The following WSCD1 variants were observed in gnomAD, a reference collection of about 807,000 sequenced individuals.
WSCD1 encodes the protein sialate:O-sulfotransferase 1.
WSCD1 carries 41 observed loss-of-function variants against 60.4 expected under a neutral mutation model. The observed-to-expected ratio is 0.68, with a 90% CI of 0.53 to 0.88. The LOEUF is 0.88. Among genes scored for constraint, WSCD1 ranks in the 40% least tolerant of loss-of-function variants. WSCD1 has a pLI of 0.00. For missense variants in WSCD1, 784 were observed against 796.2 expected (o/e 0.98, Z 0.18); for synonymous variants, 361 against 332.5 (o/e 1.09, Z -0.93).
intron 1 of WSCD1, among the ~76,000 whole-genome samples, chr17:6,074,624 A>G (rs1407743539): frequency 6.6e-6 from 1 of 152,238 alleles, no homozygotes; most frequent in Non-Finnish European, 1.5e-5. Context: ...GTTCTGCTCC[A>G]GAGATCAGGG....
chr17:6,101,898 C>G lies in WSCD1; in HGVS notation c.849+6675C>G, dbSNP rs558656418. On this transcript the variant is annotated intron_variant, in intron 5 of 8. Coordinates refer to ENST00000317744, the MANE Select transcript of WSCD1 (RefSeq NM_015253.2). The surrounding 1 kb of genome is among the most constrained non-coding windows in gnomAD (Gnocchi z 4.1). ...AGATAGGCCATTTGTGGGGGTGCTC[C>G]GAAAGGAGGCTGATGAGCGAAATCT... Among the ~76,000 whole-genome samples, 4 of 152,248 alleles carry G rather than the reference C, an allele frequency of 2.6e-5. No individual in the cohort carries two copies. Among genetic ancestry groups the G allele is most frequent in the Admixed American group, 1.3e-4 (2 of 15,284 alleles).
chr17:6,080,074 C>G lies in WSCD1; in HGVS notation c.-288-297C>G, dbSNP rs1178546359. 6.5e-6 allele frequency: 1 copy of G among 153,740 alleles called. No individual in the cohort carries two copies. Among genetic ancestry groups the G allele is most frequent in the Non-Finnish European group, 1.4e-5 (1 of 69,298 alleles). The allele number at this position is 153,740 out of a possible 1,614,324, so 9.5% of individuals were successfully genotyped here. On this transcript the variant is annotated intron_variant, in intron 1 of 8. Coordinates refer to ENST00000317744, the MANE Select transcript of WSCD1 (RefSeq NM_015253.2). The surrounding 1 kb of genome is among the most constrained non-coding windows in gnomAD (Gnocchi z 6.6). ...TGAGGAAGAGCCCCTGCTGCTGTTC[C>G]TCCTCCCCCTTATTGATATTGCTGT... is the stretch of plus-strand genomic sequence containing the variant.
At chr17:6,085,944 G>T (rs1883323199) in intron 2 of WSCD1, among the ~76,000 whole-genome samples, 3 of 152,186 alleles carry the variant, frequency 2.0e-5, no homozygotes, top group African/African-American at 7.2e-5. Flanking sequence ...TGTCTGGGCA[G>T]TGGAGGGCAG....
At chr17:6,112,577 C>T (rs1220086933) in intron 7 of WSCD1, among the ~76,000 whole-genome samples, 1 of 152,008 alleles carries the variant, frequency 6.6e-6, no homozygotes, top group Non-Finnish European at 1.5e-5. Context: ...CCAAGAAACC[C>T]TTAGAACCAA....
rs770589438 is a variant in WSCD1, at chr17:6,081,022, A to G, written c.364A>G (p.Ser122Gly). 5 of 1,543,888 alleles carry G rather than the reference A, an allele frequency of 3.2e-6. No individual in the cohort carries two copies. Among genetic ancestry groups the G allele is most frequent in the Non-Finnish European group, 4.4e-6 (5 of 1,146,408 alleles). Residue 122 changes from serine to glycine, a missense_variant, in exon 2 of 9, where the codon AGT becomes GGT. By Grantham distance (56) the Ser-to-Gly change is moderately conservative. Transcript: ENST00000317744. The stretch of plus-strand genomic sequence containing the variant: ...TCGCCGCTGGTTCCACCACTTCATG[A>G]GTGACTCCCAGGGACCGCCCGCCCT... ...LRRRWFHHFM[S>G]DSQGPPALGP...
intron 5 of WSCD1, among the ~76,000 whole-genome samples, chr17:6,097,732 C>T (rs1910535925): frequency 6.6e-6 from 1 of 152,152 alleles, no homozygotes; most frequent in African/African-American, 2.4e-5. Context: ...GGGTCAAAGA[C>T]TGAGTGTCTT....
At position 6,120,594 on chromosome 17, in the gene WSCD1, G is replaced by T; in HGVS notation, c.1661G>T (p.Arg554Leu). The stretch of plus-strand genomic sequence containing the variant: ...AAAGACTTGATCAATGGCTACATCC[G>T]GACGGTGGACCAAGCCCTGCGTGAC... Reference protein sequence around the residue: ...EMKDLINGYIRTVDQALRDHN... With the variant: ...EMKDLINGYILTVDQALRDHN... Residue 554 changes from arginine to leucine, a missense_variant, in exon 9 of 9, where the codon CGG becomes CTG. Physicochemically the swap from Arg to Leu is moderately radical, Grantham distance 102 (BLOSUM62 -2). Coordinates refer to ENST00000317744, the MANE Select transcript of WSCD1 (RefSeq NM_015253.2). 6.2e-7 allele frequency: 1 copy of T among 1,613,586 alleles called. No homozygotes were observed. The highest frequency in any genetic ancestry group is 8.5e-7 in the Non-Finnish European group (1 of 1,179,996).
At chr17:6,112,544 T>C (rs1597369816) in intron 7 of WSCD1, among the ~76,000 whole-genome samples, 1 of 152,180 alleles carries the variant, frequency 6.6e-6, no homozygotes, top group East Asian at 1.9e-4. Flanking sequence ...TGATCTTACA[T>C]ATAGAAATGC....
chr17:6,096,617 A>C (rs1437880685), intron 5 of WSCD1, among the ~76,000 whole-genome samples: 1 of 152,218 alleles, frequency 6.6e-6, no homozygotes, highest in Non-Finnish European at 1.5e-5. Context: ...CAATTAAATG[A>C]GCCAAAAAGG....
chr17:6,113,262 G>GC (rs1911506906), intron 7 of WSCD1, among the ~76,000 whole-genome samples: 1 of 152,098 alleles, frequency 6.6e-6, no homozygotes, highest in African/African-American at 2.4e-5. Flanking sequence ...GACTGAGGCT[G>GC]TACAAATGGT....
At chr17:6,098,156 T>TCG (rs71154640) in intron 5 of WSCD1, among the ~76,000 whole-genome samples, 22,910 of 110,822 alleles carry the variant, frequency 0.21, 2,415 homozygotes, top group Non-Finnish European at 0.3. Flanking sequence ...GGGGGCGGGG[T>TCG]GGGGGGGGTC....
rs553411027 is a variant in WSCD1 at position 6,072,069 on chromosome 17, G to A, written c.-289+1417G>A. On this transcript the variant is annotated intron_variant, in intron 1 of 8. Coordinates refer to ENST00000317744, the MANE Select transcript of WSCD1 (RefSeq NM_015253.2). ...GGCTGCATCCTCCAGGCCTCAGCAG[G>A]GCCATTTCCACAGCTCCTCTGTAAA... Among the ~76,000 whole-genome samples, 4 of 152,288 alleles carry A rather than the reference G, an allele frequency of 2.6e-5. No homozygotes were observed. The East Asian group carries it at 7.7e-4, about 29-fold the overall frequency.
intron 5 of WSCD1, among the ~76,000 whole-genome samples, chr17:6,095,470 A>C (rs1403171732): frequency 2.0e-5 from 3 of 152,176 alleles, no homozygotes; most frequent in Non-Finnish European, 4.4e-5. Context: ...CCGAAAGGAG[A>C]GTGCCTTTCT....
rs762507223 is a variant in WSCD1 at position 6,124,377 on chromosome 17, C to T, written c.*3716C>T. The T allele has an allele frequency of 1.3e-5, 2 of 152,156 alleles. No homozygotes were observed. The highest frequency in any genetic ancestry group is 2.9e-5 in the Non-Finnish European group (2 of 68,028). 9.4% of individuals were successfully genotyped at this position (152,156 alleles called of 1,614,324 possible). A position where few individuals can be genotyped will look rare whatever the true frequency, so the allele number is the denominator to read the frequency against. Reference sequence around the variant, plus strand: ...CAAGCCTTGCTTGAGATTGGCCTTACCTCTGGACTTTTTTTGTTATATGAG... The same window carrying T: ...CAAGCCTTGCTTGAGATTGGCCTTATCTCTGGACTTTTTTTGTTATATGAG... On this transcript the variant is annotated 3_prime_UTR_variant, in exon 9 of 9. Transcript: ENST00000317744.
At chr17:6,069,317 G>T, upstream of WSCD1, 3 of 398,690 alleles carry the variant, frequency 7.5e-6, no homozygotes, top group East Asian at 1.1e-4. Context: ...TTTAGGTTTG[G>T]ATCCAGCCTT....
chr17:6,118,262 A>G lies in WSCD1; in HGVS notation c.1375+74A>G. The G allele has an allele frequency of 6.7e-7, 1 of 1,497,784 alleles. No homozygotes were observed. The highest frequency in any genetic ancestry group is 1.4e-5 in the African/African-American group (1 of 73,080). 92.8% of individuals were successfully genotyped at this position (1,497,784 alleles called of 1,614,324 possible). ...GGTTGCTCATCAGGATGCAGGATCA[A>G]TTTACACAGGTAGGCACTGCAGGAT... is the stretch of plus-strand genomic sequence containing the variant. On this transcript the variant is annotated intron_variant, in intron 8 of 8. Transcript: ENST00000317744. The surrounding 1 kb of genome is among the most constrained non-coding windows in gnomAD (Gnocchi z 5.8).
intron 4 of WSCD1, among the ~76,000 whole-genome samples, chr17:6,094,375 C>T (rs1028615208): frequency 8.5e-5 from 13 of 152,178 alleles, no homozygotes; most frequent in African/African-American, 1.9e-4. Context: ...ATGACTCCAA[C>T]GGCACAGCAA....
At chr17:6,073,571 G>A (rs139885760) in intron 1 of WSCD1, among the ~76,000 whole-genome samples, 2,248 of 152,278 alleles carry the variant, frequency 0.015, 28 homozygotes, top group African/African-American at 0.032. Context: ...CGGAGGTTGC[G>A]GTGAGCCAAG....
In WSCD1 at chr17:6,108,138, C is replaced by T. The variant is rs908138337; in HGVS notation, c.850-1469C>T. On this transcript the variant is annotated intron_variant, in intron 5 of 8. Coordinates refer to ENST00000317744, the MANE Select transcript of WSCD1 (RefSeq NM_015253.2). ...GACTCCCTCCAAAGATACCTGCCCT[C>T]CCGCCAATGCCCCAGGCCCTGCGTC... Among the ~76,000 whole-genome samples the T allele has an allele frequency of 7.9e-5, 12 of 152,188 alleles. 1 individual carries two copies. In the East Asian group the frequency reaches 2.1e-3, roughly 27 times the overall value.
Sources: gnomAD v4.1 joint callset for allele counts (sites outside exome capture counted in the v4.1 genomes callset) on GRCh38, gnomAD v4.1.1 for gene constraint, Gnocchi (gnomAD v3.1) non-coding constraint, MANE v1.5 for transcripts, NCBI Gene and HGNC (gene_info 2026-07-23, HGNC 2026-07-21) for gene names.